NOP16: variants seen among roughly 807,000 people sequenced by gnomAD.
NOP16 encodes nucleolar protein 16.
NOP16 carries 14 observed loss-of-function variants against 22.7 expected under a neutral mutation model. That is an observed-to-expected ratio of 0.62 (90% confidence interval 0.41 to 0.97). The LOEUF (loss-of-function observed/expected upper bound fraction) is 0.97. Ranked by LOEUF, NOP16 falls within the 50% of genes least tolerant of loss-of-function variation. The pLI is 0.00. For missense variants in NOP16, 198 were observed against 235.9 expected (o/e 0.84, Z 1.05); for synonymous variants, 80 against 83.6 (o/e 0.96, Z 0.23).
At position 176,384,005 on chromosome 5, in the gene NOP16, C is replaced by G; in HGVS notation, c.*226G>C. ...TTTACATCACCCACCCTGAAAACAG[C>G]AGGTTCTGGCTTTTCCGTGAACCCC... is the stretch of plus-strand genomic sequence containing the variant. On this transcript the variant is annotated 3_prime_UTR_variant, in exon 5 of 5. Coordinates refer to ENST00000614830, the MANE Select transcript of NOP16 (RefSeq NM_016391.8). The G allele has an allele frequency of 1.3e-6, 2 of 1,536,390 alleles. No individual in the cohort carries two copies. Among genetic ancestry groups the G allele is most frequent in the Non-Finnish European group, 8.7e-7 (1 of 1,146,892 alleles).
At position 176,388,235 on chromosome 5, in the gene NOP16, C is replaced by T. The variant is rs1192859725; in HGVS notation, c.216G>A (p.Lys72=). 1 of 1,608,060 alleles carries T rather than the reference C, an allele frequency of 6.2e-7. No homozygotes were observed. Among genetic ancestry groups the T allele is most frequent in the Non-Finnish European group, 8.5e-7 (1 of 1,174,636 alleles). The stretch of plus-strand genomic sequence containing the variant: ...GACCGAGACCCTGCCATGTCAGTAC[C>T]TTTCTCTTACGGAGGGGCACCGCCC... ...PNRAVPLRKR[K]VKAMEVDIEE... is the part of the protein sequence containing the mutation. The change falls in exon 2 of 5, where the codon AAG becomes AAA. Residue 72 remains lysine (K), a splice_region_variant and synonymous_variant. Transcript: ENST00000614830.
chr5:176,385,320 C>A lies in NOP16; in HGVS notation c.294G>T (p.Glu98Asp), dbSNP rs1310965446. Residue 98 changes from glutamate (E) to aspartate (D), a missense_variant, in exon 4 of 5, where the codon GAG becomes GAT. Transcript: ENST00000614830. ...VRKPYVLNDL[E>D]AEASLPEKKG... ...TCTTTTCTGGAAGGCTGGCTTCTGC[C>A]TCCAGGTCTGGAGTGATGAGAGAAG... The A allele has an allele frequency of 5.6e-6, 9 of 1,599,146 alleles. No homozygotes were observed. Among genetic ancestry groups the A allele is most frequent in the Non-Finnish European group, 7.7e-6 (9 of 1,166,446 alleles).
At chr5:176,386,949 A>G in intron 2 of NOP16, 40 bp from the exon 3 acceptor site, 1 of 1,573,414 alleles carries the variant, frequency 6.4e-7, no homozygotes, top group Non-Finnish European at 8.7e-7. Flanking sequence ...AGGATCTTTG[A>G]TGAGGGAAAG....
intron 2 of NOP16, 81 bp from the exon 3 acceptor site, chr5:176,386,990 A>C: frequency 8.2e-7 from 1 of 1,225,982 alleles, no homozygotes; most frequent in Non-Finnish European, 1.2e-6. Flanking sequence ...CAACACAACT[A>C]CTAACCCATA....
rs141048893 is a variant in NOP16, at chr5:176,388,590, A to C, written c.-51T>G. ...CAAACACGCTGCCTCTGTCTCTCAG[A>C]CCTCGTGTAACAAACTCCTTCCGGA... On this transcript the variant is annotated 5_prime_UTR_variant, in exon 1 of 5. Transcript: ENST00000614830. The C allele has an allele frequency of 4.9e-5, 74 of 1,520,108 alleles. No homozygotes were observed. The highest frequency in any genetic ancestry group is 6.4e-5 in the Non-Finnish European group (71 of 1,104,184). The allele number at this position is 1,520,108 out of a possible 1,614,324, so 94.2% of individuals were successfully genotyped here. A position where few individuals can be genotyped will look rare whatever the true frequency, so the allele number is the denominator to read the frequency against.
intron 3 of NOP16, 88 bp from the exon 4 acceptor site, chr5:176,385,415 C>T (rs1003724854): frequency 2.5e-6 from 2 of 804,296 alleles, no homozygotes; most frequent in African/African-American, 3.4e-5. Context: ...TCACCCACTC[C>T]CAAGCCACAA....
At chr5:176,387,034 A>G (rs1755903690) in intron 2 of NOP16, 125 bp from the exon 3 acceptor site, 1 of 753,572 alleles carries the variant, frequency 1.3e-6, no homozygotes, top group East Asian at 2.5e-5. Context: ...AGAAGTAGGT[A>G]ACAATGAGAA....
Position 176,384,007 on chromosome 5 carries a change from GGTT to G in NOP16, c.*221_*223del. 6.5e-7 allele frequency: 1 copy of G among 1,537,216 alleles called. No homozygotes were observed. Among genetic ancestry groups the G allele is most frequent in the Non-Finnish European group, 8.7e-7 (1 of 1,147,150 alleles). ...TACATCACCCACCCTGAAAACAGCA[GGTT>G]CTGGCTTTTCCGTGAACCCCCAGAT... On this transcript the variant is annotated 3_prime_UTR_variant, in exon 5 of 5. Transcript: ENST00000614830.
intron 2 of NOP16, 169 bp from the exon 3 acceptor site, chr5:176,387,078 CT>C (rs370678945): frequency 0.018 from 4,145 of 227,682 alleles, no homozygotes; most frequent in Middle Eastern, 0.036. Flanking sequence ...CTCTCTCTCT[CT>C]TTTTTTTTTT....
intron 2 of NOP16, among the ~76,000 whole-genome samples, chr5:176,387,173 C>G (rs370603987): frequency 2.0e-5 from 3 of 152,038 alleles, no homozygotes; most frequent in African/African-American, 4.8e-5. Context: ...AACCTCCCCC[C>G]GGGTTCAAGT....
Position 176,388,479 on chromosome 5 carries a change from G to T in NOP16, c.61C>A (p.Arg21Ser). The T allele has an allele frequency of 1.2e-6, 2 of 1,614,216 alleles. No homozygotes were observed. Among genetic ancestry groups the T allele is most frequent in the Admixed American group, 1.7e-5 (1 of 60,022 alleles). ...QKFGYSVNRKRLNRNARRKAA... is the reference protein window; with the variant it reads ...QKFGYSVNRKSLNRNARRKAA... ...TTCCGTCGAGCATTCCGGTTCAGAC[G>T]CTTTCGGTTGACACTGTAACCAAAC... Residue 21 changes from arginine to serine, a missense_variant, in exon 1 of 5, where the codon CGT (arginine) becomes AGT (serine). By Grantham distance (110) the Arg-to-Ser change is moderately radical. Transcript: ENST00000614830.
chr5:176,385,260 A>T lies in NOP16; in HGVS notation c.354T>A (p.Tyr118Ter). ...GNTLSRDLID[Y>*]VRYMVENHGE... ...CGTGGTTCTCTACCATGTAGCGTAC[A>T]TAGTCAATGAGGTCCCGAGACAGAG... Residue 118 changes from tyrosine (Y) to a stop codon, truncating the protein, a stop_gained, in exon 4 of 5, where the codon TAT becomes TAA. Transcript: ENST00000614830. LOFTEE classifies it high-confidence loss of function. The T allele has an allele frequency of 1.2e-6, 2 of 1,613,304 alleles. No homozygotes were observed. The highest frequency in any genetic ancestry group is 1.7e-6 in the Non-Finnish European group (2 of 1,179,224).
chr5:176,388,373 G>A, intron 1 of NOP16, 30 bp from the exon 2 acceptor site: 1 of 1,612,010 alleles, frequency 6.2e-7, no homozygotes, highest in Non-Finnish European at 8.5e-7. Context: ...TCGCGGATCC[G>A]TCATCTCGCG....
chr5:176,385,632 T>C (rs1172979446), intron 3 of NOP16, among the ~76,000 whole-genome samples: 2 of 152,234 alleles, frequency 1.3e-5, no homozygotes, highest in Non-Finnish European at 2.9e-5. Context: ...CTCTACTTAG[T>C]GGCAGGTCTC....
At chr5:176,384,561 A>C (rs1755682598) in intron 4 of NOP16, 187 bp from the exon 5 acceptor site, 1 of 615,808 alleles carries the variant, frequency 1.6e-6, no homozygotes, top group Non-Finnish European at 2.8e-6. Context: ...CCGAGGTGGG[A>C]GGATCTCTTG....
intron 2 of NOP16, among the ~76,000 whole-genome samples, chr5:176,387,618 G>C (rs1755982268): frequency 6.6e-6 from 1 of 152,210 alleles, no homozygotes; most frequent in Admixed American, 6.5e-5. Flanking sequence ...GGCAGAGAAA[G>C]ATGAATTGCT....
chr5:176,384,870 G>A (rs539801045), intron 4 of NOP16: 1 of 495,486 alleles, frequency 2.0e-6, no homozygotes, highest in African/African-American at 1.9e-5. Context: ...TCCTACTTGG[G>A]CCCAGGGGTC....
In NOP16 at chr5:176,384,057, A is replaced by C; in HGVS notation, c.*174T>G. On this transcript the variant is annotated 3_prime_UTR_variant, in exon 5 of 5. Transcript: ENST00000614830. ...AGATGAATATAAATTGGAGCCTCTG[A>C]GAACAGTTCCTTCCCCAGAGCGGGG... 5 of 1,560,048 alleles carry C rather than the reference A, an allele frequency of 3.2e-6. No homozygotes were observed. Among genetic ancestry groups the C allele is most frequent in the Non-Finnish European group, 4.3e-6 (5 of 1,158,332 alleles).
intron 3 of NOP16, chr5:176,385,903 C>G (rs1755805870): frequency 6.6e-6 from 1 of 152,534 alleles, no homozygotes; most frequent in African/African-American, 2.4e-5. Context: ...CTCCATTTCT[C>G]ATCTAGAAAG....
Sources: allele counts gnomAD v4.1 joint callset (sites outside exome capture counted in the v4.1 genomes callset), GRCh38; gene constraint gnomAD v4.1.1; transcripts MANE v1.5; gene names NCBI Gene and HGNC (gene_info 2026-07-23, HGNC 2026-07-21).